The following CBY1 variants were observed in gnomAD, a reference collection of about 807,000 sequenced individuals.
The protein encoded by CBY1 is protein chibby homolog 1.
Under a neutral mutation model 15.6 loss-of-function variants are expected in CBY1, and 10 were observed. That is an observed-to-expected ratio of 0.64 (90% CI 0.40 to 1.09). The LOEUF (loss-of-function observed/expected upper bound fraction) is 1.09, where lower values mean the gene tolerates loss of function less well. Among genes scored for constraint, CBY1 ranks in the 50% least tolerant of loss-of-function variants. The pLI is 0.01. For missense variants in CBY1, 150 were observed against 160.5 expected (o/e 0.93, Z 0.35); for synonymous variants, 61 against 63.5 (o/e 0.96, Z 0.19).
At chr22:38,668,369 A>G (rs2092443087) in intron 2 of CBY1, 2 of 440,322 alleles carry the variant, frequency 4.5e-6, no homozygotes, top group East Asian at 4.1e-5. Flanking sequence ...CAAATATCCA[A>G]ATTTTTTTTT....
At chr22:38,657,493 G>C (rs2092403581) in intron 1 of CBY1, among the ~76,000 whole-genome samples, 1 of 152,246 alleles carries the variant, frequency 6.6e-6, no homozygotes. Context: ...CTAGAAAGAA[G>C]GTTGCCATGG....
chr22:38,663,765 T>C (rs2092428673), intron 1 of CBY1, among the ~76,000 whole-genome samples: 1 of 149,234 alleles, frequency 6.7e-6, no homozygotes, highest in African/African-American at 2.5e-5. Flanking sequence ...CTCATGACTG[T>C]AATTCCAGCA....
intron 4 of CBY1, among the ~76,000 whole-genome samples, chr22:38,672,263 GAA>G (rs201182061): frequency 3.5e-5 from 5 of 142,828 alleles, no homozygotes; most frequent in African/African-American, 5.1e-5. Context: ...CCCCATCTTG[GAA>G]AAAAAAAAAA....
intron 1 of CBY1, among the ~76,000 whole-genome samples, chr22:38,659,135 C>T (rs2092414311): frequency 6.6e-6 from 1 of 151,914 alleles, no homozygotes; most frequent in Non-Finnish European, 1.5e-5. Flanking sequence ...GCGGTTTTGC[C>T]ATGTTGGCCA....
chr22:38,657,252 T>G, intron 1 of CBY1: 2 of 266,368 alleles, frequency 7.5e-6, no homozygotes, highest in Non-Finnish European at 1.2e-5. Flanking sequence ...CTCGATCCTC[T>G]TCCCAGGGTC....
In CBY1 at chr22:38,671,073, CAG is replaced by C. The variant is rs747514855; in HGVS notation, c.189_190del (p.Val65Ter). Reference sequence around the variant, plus strand: ...ACTGGTTCTGTCCTTCCTCCAGAGACAGGGGTTAGTGGCGGTGTGGACCGGAG... The same window carrying C: ...ACTGGTTCTGTCCTTCCTCCAGAGACGGGTTAGTGGCGGTGTGGACCGGAG... On this transcript the variant is annotated frameshift_variant, in exon 4 of 5. Coordinates refer to ENST00000216029, the MANE Select transcript of CBY1 (RefSeq NM_015373.4). LOFTEE classifies it high-confidence loss of function. 1.7e-5 allele frequency: 27 copies of C among 1,613,960 alleles called. No homozygotes were observed. Among genetic ancestry groups the C allele is most frequent in the East Asian group, 8.9e-5 (4 of 44,906 alleles).
At chr22:38,657,795 AG>A (rs1195095795) in intron 1 of CBY1, among the ~76,000 whole-genome samples, 59 of 152,206 alleles carry the variant, frequency 3.9e-4, no homozygotes, top group African/African-American at 1.4e-3. Flanking sequence ...CCATGTGCTC[AG>A]GCCCAGTGCA....
intron 1 of CBY1, chr22:38,665,568 G>T: frequency 2.4e-6 from 1 of 423,536 alleles, no homozygotes; most frequent in South Asian, 1.2e-4. Flanking sequence ...CAATGCAAAT[G>T]AACAAACTAT....
rs777337286 is a variant in CBY1, at chr22:38,670,936, CTA to C, written c.133_134del (p.Met45GlufsTer10). 6.2e-7 allele frequency: 1 copy of C among 1,614,098 alleles called. No individual in the cohort carries two copies. Reference sequence around the variant, plus strand: ...CTGGGCTTGGAATACGGATCCCCGACTATGAACCTGGCAGGGCAAAGCCTGAA... The same window carrying C: ...CTGGGCTTGGAATACGGATCCCCGACTGAACCTGGCAGGGCAAAGCCTGAA... On this transcript the variant is annotated frameshift_variant, in exon 3 of 5. Transcript: ENST00000216029. LOFTEE classifies it high-confidence loss of function.
At chr22:38,664,030 A>G (rs1285095184) in intron 1 of CBY1, among the ~76,000 whole-genome samples, 1 of 151,866 alleles carries the variant, frequency 6.6e-6, no homozygotes, top group Non-Finnish European at 1.5e-5. Context: ...TCAAAAAAAA[A>G]AAAGAAGGAG....
intron 1 of CBY1, among the ~76,000 whole-genome samples, chr22:38,657,486 G>C (rs1247634909): frequency 1.3e-5 from 2 of 152,236 alleles, no homozygotes; most frequent in Non-Finnish European, 2.9e-5. Flanking sequence ...AGTTTCACTA[G>C]AAAGAAGGTT....
intron 1 of CBY1, among the ~76,000 whole-genome samples, chr22:38,661,534 CTTCA>C (rs1005821400): frequency 6.6e-6 from 1 of 152,180 alleles, no homozygotes; most frequent in African/African-American, 2.4e-5. Context: ...CCCCAAATAC[CTTCA>C]TTTATTTATA....
At chr22:38,658,385 A>G (rs879637858) in intron 1 of CBY1, among the ~76,000 whole-genome samples, 2 of 151,976 alleles carry the variant, frequency 1.3e-5, no homozygotes, top group Non-Finnish European at 2.9e-5. Flanking sequence ...CGGCCTCCCA[A>G]AGTGCTGGGA....
At chr22:38,663,827 G>A in intron 1 of CBY1, among the ~76,000 whole-genome samples, 1 of 151,580 alleles carries the variant, frequency 6.6e-6, no homozygotes, top group Non-Finnish European at 1.5e-5. Flanking sequence ...TTCGAGACCA[G>A]CCTGGCCAAC....
At chr22:38,666,231 A>T (rs544770914) in intron 1 of CBY1, among the ~76,000 whole-genome samples, 38 of 127,732 alleles carry the variant, frequency 3.0e-4, no homozygotes, top group Middle Eastern at 4.2e-3. Flanking sequence ...ATATATATAT[A>T]TATTTTTTTT....
intron 1 of CBY1, chr22:38,657,025 C>A: frequency 7.2e-6 from 3 of 418,134 alleles, no homozygotes; most frequent in Non-Finnish European, 9.6e-6. Context: ...TTGAGTCCGA[C>A]AGCCCTGGGG....
intron 1 of CBY1, among the ~76,000 whole-genome samples, chr22:38,659,330 G>A (rs1309638725): frequency 6.6e-6 from 1 of 151,944 alleles, no homozygotes; most frequent in Non-Finnish European, 1.5e-5. Context: ...CACAATCTCA[G>A]CTCACTGCAA....
chr22:38,672,442 C>T (rs1433267641), intron 4 of CBY1, among the ~76,000 whole-genome samples: 1 of 151,852 alleles, frequency 6.6e-6, no homozygotes, highest in Non-Finnish European at 1.5e-5. Context: ...GATTCTCCTG[C>T]ATCAGCCTCC....
intron 1 of CBY1, among the ~76,000 whole-genome samples, chr22:38,663,700 A>G (rs1430786519): frequency 6.8e-6 from 1 of 146,474 alleles, no homozygotes; most frequent in Non-Finnish European, 1.5e-5. Flanking sequence ...CTGTCTCCAA[A>G]AAAAAAAAAA....
Sources: allele counts gnomAD v4.1 joint callset (sites outside exome capture counted in the v4.1 genomes callset), GRCh38; gene constraint gnomAD v4.1.1; transcripts MANE v1.5; gene names NCBI Gene and HGNC (gene_info 2026-07-23, HGNC 2026-07-21).